ARB2A: variants seen among roughly 807,000 people sequenced by gnomAD.
ARB2A encodes ARB2 cotranscriptional regulator A, also known as cotranscriptional regulator ARB2A.
the ARB2A span, among the ~76,000 whole-genome samples, chr5:93,779,136 C>CGCGCGT: frequency 2.6e-4 from 39 of 148,832 alleles, no homozygotes; most frequent in African/African-American, 9.7e-4. Context: ...CGCGCGCGCG[C>CGCGCGT]GCACGTGCAG....
the ARB2A span, among the ~76,000 whole-genome samples, chr5:93,725,227 T>C: frequency 3.3e-5 from 5 of 152,034 alleles, no homozygotes; most frequent in South Asian, 1.0e-3. Flanking sequence ...CATAAAGCAC[T>C]GAAAGAACAT....
the ARB2A span, chr5:93,860,639 T>C: frequency 1.3e-5 from 2 of 150,026 alleles, no homozygotes; most frequent in Admixed American, 6.7e-5. Context: ...AGTGGTAAGA[T>C]TGTTTCTTTC....
chr5:93,942,939 CACACATATAT>C, the ARB2A span, among the ~76,000 whole-genome samples: 1 of 152,008 alleles, frequency 6.6e-6, no homozygotes, highest in African/African-American at 2.4e-5. Flanking sequence ...GATTTATGAA[CACACATATAT>C]ACACATACAA....
the ARB2A span, among the ~76,000 whole-genome samples, chr5:93,826,616 TTAAG>T: frequency 6.6e-6 from 1 of 152,110 alleles, no homozygotes; most frequent in Non-Finnish European, 1.5e-5. Flanking sequence ...TTATTATACT[TTAAG>T]TTTTAGGGTA....
the ARB2A span, among the ~76,000 whole-genome samples, chr5:93,714,001 G>A: frequency 1.3e-5 from 2 of 152,198 alleles, no homozygotes; most frequent in Non-Finnish European, 2.9e-5. Context: ...AAAGCCCTGT[G>A]CCTGTGGCCT....
At chr5:93,620,621 C>T in the ARB2A span, 1 of 186,110 alleles carries the variant, frequency 5.4e-6, no homozygotes. Context: ...GCAGCGGCTC[C>T]GCTACGGCGG....
At chr5:93,981,894 C>T in the ARB2A span, among the ~76,000 whole-genome samples, 2 of 152,036 alleles carry the variant, frequency 1.3e-5, no homozygotes, top group East Asian at 3.9e-4. Flanking sequence ...CTGAAAGAAG[C>T]ACTGAAAAAA....
chr5:93,916,125 A>G, the ARB2A span, among the ~76,000 whole-genome samples: 3,564 of 152,208 alleles, frequency 0.023, 59 homozygotes, highest in Non-Finnish European at 0.034. Flanking sequence ...ATCATTAAAA[A>G]TAATTTAATT....
the ARB2A span, chr5:93,621,004 T>C: frequency 6.2e-7 from 1 of 1,611,110 alleles, no homozygotes; most frequent in Non-Finnish European, 8.5e-7. Context: ...TCTTCGTGCT[T>C]GATGCGGTGG....
chr5:93,776,189 T>C, the ARB2A span: 3 of 1,610,726 alleles, frequency 1.9e-6, no homozygotes, highest in Non-Finnish European at 2.5e-6. Context: ...TCAGGTAGCA[T>C]GGACTCCACT....
chr5:94,028,738 T>C, the ARB2A span, among the ~76,000 whole-genome samples: 1 of 152,188 alleles, frequency 6.6e-6, no homozygotes, highest in Non-Finnish European at 1.5e-5. Context: ...AAAATGCTTC[T>C]TTCTATTTCT....
At chr5:93,825,013 T>C in the ARB2A span, among the ~76,000 whole-genome samples, 10 of 152,248 alleles carry the variant, frequency 6.6e-5, no homozygotes, top group African/African-American at 2.4e-4. Context: ...TTGGTAGCCA[T>C]TGCTTTGATT....
the ARB2A span, among the ~76,000 whole-genome samples, chr5:93,705,482 A>C: frequency 2.0e-5 from 3 of 152,124 alleles, no homozygotes; most frequent in African/African-American, 7.2e-5. Context: ...TATTGAGAAG[A>C]ACACCTCCCT....
the ARB2A span, among the ~76,000 whole-genome samples, chr5:93,955,817 T>A: frequency 6.6e-6 from 1 of 152,120 alleles, no homozygotes; most frequent in Non-Finnish European, 1.5e-5. Context: ...GACCCTGTGC[T>A]CACTCTGGGC....
the ARB2A span, among the ~76,000 whole-genome samples, chr5:93,706,543 GA>G: frequency 6.6e-6 from 1 of 152,124 alleles, no homozygotes; most frequent in Non-Finnish European, 1.5e-5. Context: ...CTACAATGGT[GA>G]ATTTCATGTT....
chr5:93,673,338 T>C, the ARB2A span, among the ~76,000 whole-genome samples: 2 of 152,204 alleles, frequency 1.3e-5, no homozygotes, highest in African/African-American at 2.4e-5. Context: ...TCTAGAGATC[T>C]GGTGGGAGTT....
chr5:93,850,506 G>GT, the ARB2A span, among the ~76,000 whole-genome samples: 1 of 152,102 alleles, frequency 6.6e-6, no homozygotes, highest in Non-Finnish European at 1.5e-5. Flanking sequence ...CAGGGGGCCC[G>GT]TGCACACTGG....
chr5:93,663,108 T>C, the ARB2A span, among the ~76,000 whole-genome samples: 3 of 152,146 alleles, frequency 2.0e-5, no homozygotes, highest in African/African-American at 7.2e-5. Flanking sequence ...CTCAACACCG[T>C]TACACTGATA....
At chr5:93,830,309 GTGTATATATATA>G in the ARB2A span, among the ~76,000 whole-genome samples, 266 of 49,658 alleles carry the variant, frequency 5.4e-3, 10 homozygotes, top group African/African-American at 0.023. Context: ...ATGTGTGTGT[GTGTATATATATA>G]TATATATATA....
Sources: gnomAD v4.1 joint callset for allele counts (sites outside exome capture counted in the v4.1 genomes callset) on GRCh38, gnomAD v4.1.1 for gene constraint, MANE v1.5 for transcripts, NCBI Gene and HGNC (gene_info 2026-07-23, HGNC 2026-07-21) for gene names.